The following SLC25A30 variants were observed in gnomAD, a reference collection of about 807,000 sequenced individuals.
SLC25A30 encodes kidney mitochondrial carrier protein 1.
In SLC25A30, 29 loss-of-function variants were observed where a neutral mutation model predicts 42.7. The ratio of observed to expected loss-of-function variants is 0.68; its 90% CI spans 0.51 to 0.93. The LOEUF (loss-of-function observed/expected upper bound fraction) is 0.93. Ranked by LOEUF, SLC25A30 falls within the 40% of genes least tolerant of loss-of-function variation. SLC25A30 has a pLI of 0.00. For synonymous variants in SLC25A30, 124 were observed against 131.0 expected (o/e 0.95, Z 0.37); for missense variants, 300 against 359.7 (o/e 0.83, Z 1.34).
At chr13:45,424,961 T>A in the SLC25A30 span, among the ~76,000 whole-genome samples, 5 of 75,844 alleles carry the variant, frequency 6.6e-5, 1 homozygote, top group African/African-American at 2.9e-4. Flanking sequence ...TAAATAAATA[T>A]ATAAATATAT....
chr13:45,425,800 C>T, the SLC25A30 span, among the ~76,000 whole-genome samples: 1 of 146,008 alleles, frequency 6.8e-6, no homozygotes, highest in Non-Finnish European at 1.5e-5. Flanking sequence ...TCAAGCAATT[C>T]TTGTGCCTCA....
At chr13:45,433,032 C>CAAAA in the SLC25A30 span, among the ~76,000 whole-genome samples, 9,796 of 129,596 alleles carry the variant, frequency 0.076, 506 homozygotes, top group Middle Eastern at 0.11. Context: ...GACTCTTTCT[C>CAAAA]AAAAAAAAAA....
the SLC25A30 span, among the ~76,000 whole-genome samples, chr13:45,425,137 AAT>A: frequency 8.6e-5 from 7 of 81,512 alleles, no homozygotes; most frequent in Admixed American, 4.2e-4. Flanking sequence ...TAAGTATATA[AAT>A]ATATATAAAT....
intron 5 of SLC25A30, among the ~76,000 whole-genome samples, chr13:45,403,140 T>G (rs1882157683): frequency 6.6e-6 from 1 of 152,150 alleles, no homozygotes; most frequent in Admixed American, 6.5e-5. Flanking sequence ...ATTAAGAAAT[T>G]AATGAGAGTA....
At chr13:45,429,231 G>A in the SLC25A30 span, among the ~76,000 whole-genome samples, 2 of 151,054 alleles carry the variant, frequency 1.3e-5, no homozygotes, top group African/African-American at 4.9e-5. Context: ...ACCACACCTG[G>A]CTAATTTTTG....
At chr13:45,412,623 T>C (rs1255542658) in intron 1 of SLC25A30, among the ~76,000 whole-genome samples, 1 of 152,198 alleles carries the variant, frequency 6.6e-6, no homozygotes, top group Non-Finnish European at 1.5e-5. Flanking sequence ...GGGACATCCA[T>C]ACTTTTATTC....
rs1881097627 is a variant in SLC25A30, at chr13:45,393,457, C to T, written c.*2517G>A. 1 of 983,486 alleles carries T rather than the reference C, an allele frequency of 1.0e-6. No homozygotes were observed. The highest frequency in any genetic ancestry group is 1.7e-5 in the African/African-American group (1 of 57,160). The allele number at this position is 983,486 out of a possible 1,614,324, so 60.9% of individuals were successfully genotyped here. A position where few individuals can be genotyped will look rare whatever the true frequency, so the allele number is the denominator to read the frequency against. On this transcript the variant is annotated 3_prime_UTR_variant, in exon 10 of 10. Transcript: ENST00000519676. ...ACTCTTTATATAATGCATACTATTT[C>T]TAGCACATGAATAAATATAAAGGAC...
chr13:45,393,801 T>G lies in SLC25A30; in HGVS notation c.*2173A>C, dbSNP rs188483734. The G allele has an allele frequency of 1.0e-6, 1 of 985,478 alleles. No individual in the cohort carries two copies. The highest frequency in any genetic ancestry group is 1.1e-4 in the East Asian group (1 of 8,814). The allele number at this position is 985,478 out of a possible 1,614,324, so 61.0% of individuals were successfully genotyped here. A position where few individuals can be genotyped will look rare whatever the true frequency, so the allele number is the denominator to read the frequency against. On this transcript the variant is annotated 3_prime_UTR_variant, in exon 10 of 10. Transcript: ENST00000519676. The stretch of plus-strand genomic sequence containing the variant: ...CTACACTGAAGAAATACTATGCTTT[T>G]ATCTTAAATCGTGCTTAAGTTTTAC...
At chr13:45,403,329 C>A (rs1197382773) in intron 5 of SLC25A30, among the ~76,000 whole-genome samples, 1 of 152,136 alleles carries the variant, frequency 6.6e-6, no homozygotes, top group Non-Finnish European at 1.5e-5. Context: ...TGAAGGCTCT[C>A]TGAGGGCAGG....
chr13:45,406,273 G>C (rs1882501685), intron 3 of SLC25A30, among the ~76,000 whole-genome samples: 1 of 152,088 alleles, frequency 6.6e-6, no homozygotes, highest in Non-Finnish European at 1.5e-5. Context: ...AGTAGAGACG[G>C]GGTTTCGCCA....
chr13:45,422,938 C>T (rs139838624), upstream of SLC25A30, among the ~76,000 whole-genome samples: 145 of 152,238 alleles, frequency 9.5e-4, no homozygotes, highest in Non-Finnish European at 1.7e-3. Context: ...CTCCTAATCA[C>T]TAAAAACTGG....
chr13:45,431,810 C>G, the SLC25A30 span, among the ~76,000 whole-genome samples: 2 of 152,162 alleles, frequency 1.3e-5, no homozygotes, highest in Admixed American at 1.3e-4. Flanking sequence ...CCTAATAGAG[C>G]CTCCTACTTT....
chr13:45,393,992 TTAAAA>T lies in SLC25A30; in HGVS notation c.*1977_*1981del, dbSNP rs1258572390. 4 of 984,670 alleles carry T rather than the reference TTAAAA, an allele frequency of 4.1e-6. No homozygotes were observed. Among genetic ancestry groups the T allele is most frequent in the Non-Finnish European group, 4.8e-6 (4 of 829,386 alleles). The allele number at this position is 984,670 out of a possible 1,614,324, so 61.0% of individuals were successfully genotyped here. A position where few individuals can be genotyped will look rare whatever the true frequency, so the allele number is the denominator to read the frequency against. ...TTTGAAAAAGTAAAATTTTTCTACA[TTAAAA>T]AAAGAGCATTTCAAGAAAAGCAATC... is the stretch of plus-strand genomic sequence containing the variant. On this transcript the variant is annotated 3_prime_UTR_variant, in exon 10 of 10. Coordinates refer to ENST00000519676, the MANE Select transcript of SLC25A30 (RefSeq NM_001010875.4).
the SLC25A30 span, among the ~76,000 whole-genome samples, chr13:45,423,460 C>G: frequency 1.2e-3 from 171 of 137,496 alleles, no homozygotes; most frequent in Non-Finnish European, 2.1e-3. Context: ...GGTCCATGGA[C>G]CAATTTATCC....
At chr13:45,400,957 A>G in intron 7 of SLC25A30, 126 bp downstream of exon 7, 1 of 774,308 alleles carries the variant, frequency 1.3e-6, no homozygotes. Flanking sequence ...ATGTAGAGGA[A>G]TAAGGACTTC....
chr13:45,419,727 C>G (rs948564092), upstream of SLC25A30, among the ~76,000 whole-genome samples: 3 of 150,992 alleles, frequency 2.0e-5, no homozygotes, highest in Admixed American at 6.6e-5. Context: ...GTCGGGAGTT[C>G]GAGACCAGCC....
intron 7 of SLC25A30, among the ~76,000 whole-genome samples, chr13:45,400,553 G>A (rs745700454): frequency 6.6e-6 from 1 of 152,096 alleles, no homozygotes; most frequent in South Asian, 2.1e-4. Context: ...CTAGGGTTCC[G>A]TCGCCCAGTC....
chr13:45,404,830 G>GTA (rs1192652196), intron 4 of SLC25A30, among the ~76,000 whole-genome samples: 4 of 152,070 alleles, frequency 2.6e-5, no homozygotes, highest in Non-Finnish European at 4.4e-5. Flanking sequence ...AAAAATAAAA[G>GTA]TATGTTTCAT....
chr13:45,429,805 A>T, the SLC25A30 span, among the ~76,000 whole-genome samples: 1 of 151,994 alleles, frequency 6.6e-6, no homozygotes, highest in Non-Finnish European at 1.5e-5. Context: ...ACTGCACTCC[A>T]GCCTAGGCAA....
Sources: gnomAD v4.1 joint callset for allele counts (sites outside exome capture counted in the v4.1 genomes callset) on GRCh38, gnomAD v4.1.1 for gene constraint, MANE v1.5 for transcripts, NCBI Gene and HGNC (gene_info 2026-07-23, HGNC 2026-07-21) for gene names.